GALNTL6: variants seen among roughly 807,000 people sequenced by gnomAD.
The protein encoded by GALNTL6 is polypeptide N-acetylgalactosaminyltransferase-like 6.
Under a neutral mutation model 73.7 loss-of-function variants are expected in GALNTL6, and 46 were observed. The observed-to-expected ratio is 0.62, with a 90% CI of 0.49 to 0.80. The LOEUF (loss-of-function observed/expected upper bound fraction) is 0.80, where lower values mean the gene tolerates loss of function less well. GALNTL6 is among the 30% of genes least tolerant of loss of function. The pLI is 0.00. For missense variants in GALNTL6, 604 were observed against 755.0 expected, an observed-to-expected ratio of 0.80 and a Z score of 2.34; for synonymous variants, 259 against 263.7, an observed-to-expected ratio of 0.98 and a Z score of 0.17.
chr4:172,757,681 A>C (rs1027406859), intron 5 of GALNTL6, among the ~76,000 whole-genome samples: 1 of 152,240 alleles, frequency 6.6e-6, no homozygotes, highest in Non-Finnish European at 1.5e-5. Context: ...AGGAAATATC[A>C]AGTAACCTGA....
At chr4:172,184,329 C>T (rs1037218216) in intron 2 of GALNTL6, among the ~76,000 whole-genome samples, 1 of 152,048 alleles carries the variant, frequency 6.6e-6, no homozygotes, top group South Asian at 2.1e-4. Context: ...CCCACATCAC[C>T]CTGTGCAATT....
chr4:172,521,327 G>A (rs554381874), intron 5 of GALNTL6, among the ~76,000 whole-genome samples: 6 of 152,156 alleles, frequency 3.9e-5, no homozygotes, highest in African/African-American at 1.4e-4. Context: ...CTGACAGTTG[G>A]TATAAAACAT....
chr4:172,488,407 T>C (rs1733772749), intron 5 of GALNTL6, among the ~76,000 whole-genome samples: 1 of 152,150 alleles, frequency 6.6e-6, no homozygotes, highest in African/African-American at 2.4e-5. Flanking sequence ...AATAGATAAC[T>C]AGAGGATGAA....
chr4:172,943,035 G>A (rs1018184099), intron 9 of GALNTL6, among the ~76,000 whole-genome samples: 2 of 151,066 alleles, frequency 1.3e-5, no homozygotes, highest in African/African-American at 4.9e-5. Flanking sequence ...AAACAAACAA[G>A]TACAATCTTA....
intron 3 of GALNTL6, among the ~76,000 whole-genome samples, chr4:172,291,081 A>T (rs1468980037): frequency 6.6e-6 from 1 of 152,086 alleles, no homozygotes; most frequent in Non-Finnish European, 1.5e-5. Context: ...TCAAAACATT[A>T]TTCAAAGCAT....
At chr4:172,246,281 AT>A (rs757598491) in intron 3 of GALNTL6, among the ~76,000 whole-genome samples, 3 of 152,160 alleles carry the variant, frequency 2.0e-5, no homozygotes, top group Non-Finnish European at 2.9e-5. Context: ...GAATGACTAG[AT>A]TAATTTAATA....
intron 8 of GALNTL6, among the ~76,000 whole-genome samples, chr4:172,930,214 G>C (rs1748258703): frequency 6.6e-6 from 1 of 151,778 alleles, no homozygotes; most frequent in Non-Finnish European, 1.5e-5. Flanking sequence ...GGAGGCAGAA[G>C]TTTCAGTGAG....
chr4:172,311,400 G>A (rs1443243043), intron 3 of GALNTL6, among the ~76,000 whole-genome samples: 1 of 152,254 alleles, frequency 6.6e-6, no homozygotes, highest in East Asian at 1.9e-4. Context: ...TGCAATGTGA[G>A]ATTACACTTT....
At chr4:172,216,024 T>C (rs28894826) in intron 2 of GALNTL6, among the ~76,000 whole-genome samples, 2,190 of 152,290 alleles carry the variant, frequency 0.014, 57 homozygotes, top group African/African-American at 0.05. Flanking sequence ...ATATGTTATA[T>C]ACACCCAATA....
At chr4:172,286,002 C>T (rs1739231040) in intron 3 of GALNTL6, among the ~76,000 whole-genome samples, 1 of 152,142 alleles carries the variant, frequency 6.6e-6, no homozygotes, top group African/African-American at 2.4e-5. Context: ...AGAATAAAAA[C>T]TACAGGAACT....
At chr4:172,066,709 C>T (rs753955750) in intron 2 of GALNTL6, among the ~76,000 whole-genome samples, 1 of 152,078 alleles carries the variant, frequency 6.6e-6, no homozygotes, top group African/African-American at 2.4e-5. Context: ...CACCCTATTG[C>T]ATCTGAACAC....
In GALNTL6 at chr4:171,814,535, T is replaced by C; in HGVS notation, c.-46T>C. 6.2e-7 allele frequency: 1 copy of C among 1,605,830 alleles called. No homozygotes were observed. The highest frequency in any genetic ancestry group is 8.5e-7 in the Non-Finnish European group (1 of 1,174,318). On this transcript the variant is annotated 5_prime_UTR_variant, in exon 2 of 13. Coordinates refer to ENST00000506823, the MANE Select transcript of GALNTL6 (RefSeq NM_001034845.3). ...ATTTGACATTAAACACAAGAAGCAG[T>C]CAGGGAGCCATCTCCTTTAACTTTT...
At chr4:171,880,336 A>G (rs1736403141) in intron 2 of GALNTL6, among the ~76,000 whole-genome samples, 1 of 152,232 alleles carries the variant, frequency 6.6e-6, no homozygotes, top group South Asian at 2.1e-4. Context: ...TGTTTCCTGA[A>G]ACAGTCATGC....
intron 2 of GALNTL6, among the ~76,000 whole-genome samples, chr4:172,176,626 C>CA (rs1210272418): frequency 6.6e-6 from 1 of 151,614 alleles, no homozygotes; most frequent in Non-Finnish European, 1.5e-5. Context: ...TCTGCCTCAA[C>CA]AAAAAATTAA....
At chr4:171,902,171 T>C (rs1578954861) in intron 2 of GALNTL6, among the ~76,000 whole-genome samples, 1 of 152,160 alleles carries the variant, frequency 6.6e-6, no homozygotes, top group South Asian at 2.1e-4. Flanking sequence ...TAGGTAAGAA[T>C]CTAATTGAAG....
At chr4:172,866,296 G>A (rs951211720) in intron 7 of GALNTL6, among the ~76,000 whole-genome samples, 3 of 152,208 alleles carry the variant, frequency 2.0e-5, no homozygotes, top group African/African-American at 7.2e-5. Flanking sequence ...ACGAGAGAGA[G>A]GAAAGAGGTG....
At chr4:172,856,667 G>T (rs147386575) in intron 7 of GALNTL6, among the ~76,000 whole-genome samples, 1 of 152,096 alleles carries the variant, frequency 6.6e-6, no homozygotes, top group South Asian at 2.1e-4. Flanking sequence ...CTTTACAACA[G>T]CTTCAAATTA....
chr4:172,563,368 C>T (rs1023212711), intron 5 of GALNTL6, among the ~76,000 whole-genome samples: 3 of 152,178 alleles, frequency 2.0e-5, no homozygotes, highest in African/African-American at 4.8e-5. Context: ...CTGTCAATCC[C>T]GCCTTCACTT....
intron 2 of GALNTL6, among the ~76,000 whole-genome samples, chr4:171,857,099 A>G (rs997229558): frequency 2.0e-5 from 3 of 152,150 alleles, no homozygotes; most frequent in African/African-American, 7.2e-5. Context: ...GGTACATTGC[A>G]TATTATAAAT....
Sources: gnomAD v4.1 joint callset for allele counts (sites outside exome capture counted in the v4.1 genomes callset) on GRCh38, gnomAD v4.1.1 for gene constraint, MANE v1.5 for transcripts, NCBI Gene and HGNC (gene_info 2026-07-23, HGNC 2026-07-21) for gene names.